The following NSUN4 variants were observed in gnomAD, a reference collection of about 807,000 sequenced individuals.
The protein encoded by NSUN4 is NOP2/Sun RNA methyltransferase 4.
A neutral mutation model predicts 43.8 loss-of-function variants in NSUN4; 31 were observed. That is an observed-to-expected ratio of 0.71 (90% CI 0.53 to 0.96). The LOEUF (loss-of-function observed/expected upper bound fraction) is 0.96. Among genes scored for constraint, NSUN4 ranks in the 40% least tolerant of loss-of-function variants. The pLI is 0.00. For synonymous variants in NSUN4, 167 were observed against 184.1 expected (o/e 0.91, Z 0.75); for missense variants, 439 against 475.6 (o/e 0.92, Z 0.72).
chr1:46,383,946 T>C, the NSUN4 span, among the ~76,000 whole-genome samples: 6 of 152,228 alleles, frequency 3.9e-5, no homozygotes, highest in Admixed American at 6.5e-5. Context: ...ATGTGGCCTC[T>C]GCTGCTGTGT....
the NSUN4 span, among the ~76,000 whole-genome samples, chr1:46,375,928 G>A: frequency 6.6e-6 from 1 of 151,452 alleles, no homozygotes; most frequent in South Asian, 2.1e-4. Context: ...CGAACATGGA[G>A]AAACCCTGTC....
In NSUN4 at chr1:46,353,012, G is replaced by C; in HGVS notation, c.737G>C (p.Gly246Ala). 6.2e-7 allele frequency: 1 copy of C among 1,614,116 alleles called. No individual in the cohort carries two copies. The change falls in exon 4 of 6, where the codon GGG (glycine) becomes GCG (alanine). Residue 246 changes from glycine to alanine, a missense_variant. By Grantham distance (60) the Gly-to-Ala change is moderately conservative (BLOSUM62 0). Coordinates refer to ENST00000474844, the MANE Select transcript of NSUN4 (RefSeq NM_199044.4). ...WDGRKWGELE[G>A]DTYDRVLVDV... is the part of the protein sequence containing the mutation. Reference sequence around the variant, plus strand: ...GGCAGGAAATGGGGAGAACTGGAGGGGGACACCTATGACCGGGTGAGTGAT... The same window carrying C: ...GGCAGGAAATGGGGAGAACTGGAGGCGGACACCTATGACCGGGTGAGTGAT...
At chr1:46,342,697 C>T (rs1662199074) in intron 1 of NSUN4, 1 of 399,200 alleles carries the variant, frequency 2.5e-6, no homozygotes, top group African/African-American at 2.1e-5. Context: ...CCACCCCAGT[C>T]ACTTCCCCGC....
the NSUN4 span, among the ~76,000 whole-genome samples, chr1:46,376,712 ATGTGTGTG>A: frequency 0.013 from 1,854 of 148,278 alleles, 38 homozygotes; most frequent in African/African-American, 0.04. Context: ...TTTAGAGAGC[ATGTGTGTG>A]TGTGTGTGTG....
intron 3 of NSUN4, among the ~76,000 whole-genome samples, chr1:46,352,147 T>TAAA (rs35949811): frequency 2.5e-4 from 34 of 135,682 alleles, no homozygotes; most frequent in Non-Finnish European, 4.1e-4. Context: ...ACCCTGTCTT[T>TAAA]AAAAAAAAAA....
At chr1:46,344,646 C>T (rs920837673) in intron 1 of NSUN4, 155 bp from the exon 2 acceptor site, 19 of 657,616 alleles carry the variant, frequency 2.9e-5, no homozygotes, top group African/African-American at 1.6e-4. Context: ...CACTACTTTT[C>T]CCTCTCACAC....
chr1:46,361,137 ACT>A (rs947356984), intron 5 of NSUN4, among the ~76,000 whole-genome samples: 3 of 151,980 alleles, frequency 2.0e-5, no homozygotes, highest in Admixed American at 6.6e-5. Flanking sequence ...ACAGAGCAAG[ACT>A]CTGTCTCAAA....
chr1:46,382,652 A>G, the NSUN4 span, among the ~76,000 whole-genome samples: 1 of 147,862 alleles, frequency 6.8e-6, no homozygotes, highest in Non-Finnish European at 1.5e-5. Context: ...CCCAGGCTGG[A>G]GTGCAGTGGC....
chr1:46,355,919 CAGG>C (rs1663332064), intron 4 of NSUN4, among the ~76,000 whole-genome samples: 1 of 151,458 alleles, frequency 6.6e-6, no homozygotes, highest in African/African-American at 2.4e-5. Context: ...GAGGCTGAGG[CAGG>C]AGAATTGCTT....
intron 3 of NSUN4, among the ~76,000 whole-genome samples, chr1:46,348,078 C>T (rs1476387900): frequency 2.0e-5 from 3 of 152,114 alleles, no homozygotes; most frequent in African/African-American, 7.2e-5. Context: ...GACAGGGTTT[C>T]ACCCTGTTAG....
Position 46,360,132 on chromosome 1 carries a change from G to A in NSUN4, c.754-572G>A, listed in dbSNP as rs1012687285. Among the ~76,000 whole-genome samples the A allele has an allele frequency of 2.4e-4, 36 of 148,478 alleles. 1 individual carries two copies. Among genetic ancestry groups the A allele is most frequent in the African/African-American group, 8.7e-4 (35 of 40,060 alleles). Reference sequence around the variant, plus strand: ...TAGTCCCAGCTACTCGGGAGGCTGAGGCAGGAGAATGGCGTAAACCCGGGA... The same window carrying A: ...TAGTCCCAGCTACTCGGGAGGCTGAAGCAGGAGAATGGCGTAAACCCGGGA... On this transcript the variant is annotated intron_variant, in intron 4 of 5. Transcript: ENST00000474844.
chr1:46,372,295 C>T, the NSUN4 span, among the ~76,000 whole-genome samples: 1 of 151,966 alleles, frequency 6.6e-6, no homozygotes, highest in South Asian at 2.1e-4. Flanking sequence ...TGCCCACCAC[C>T]ACGCCCGGCT....
At chr1:46,382,604 T>TGC in the NSUN4 span, among the ~76,000 whole-genome samples, 2 of 142,628 alleles carry the variant, frequency 1.4e-5, no homozygotes, top group Non-Finnish European at 3.2e-5. Flanking sequence ...ATAAAAATGC[T>TGC]TCTTTTTTTT....
intron 4 of NSUN4, among the ~76,000 whole-genome samples, chr1:46,358,398 ATTTTTTTT>A (rs34719174): frequency 3.1e-5 from 3 of 95,456 alleles, no homozygotes; most frequent in South Asian, 3.6e-4. Flanking sequence ...TCCTGGCCTA[ATTTTTTTT>A]TTTTTTTTTT....
At chr1:46,371,551 C>G in the NSUN4 span, among the ~76,000 whole-genome samples, 1 of 152,124 alleles carries the variant, frequency 6.6e-6, no homozygotes, top group Non-Finnish European at 1.5e-5. Context: ...CGTGATCCGC[C>G]CACCTCGGCC....
chr1:46,378,132 C>T, the NSUN4 span, among the ~76,000 whole-genome samples: 19 of 151,904 alleles, frequency 1.3e-4, no homozygotes, highest in Non-Finnish European at 4.4e-5. Flanking sequence ...CTCCTGAGCT[C>T]AGTAGATCCT....
intron 4 of NSUN4, among the ~76,000 whole-genome samples, chr1:46,355,004 A>T (rs951586076): frequency 6.6e-6 from 1 of 152,206 alleles, no homozygotes; most frequent in African/African-American, 2.4e-5. Flanking sequence ...GCAGTGGAAC[A>T]TGATGGAGAG....
Position 46,364,826 on chromosome 1 carries a change from T to C in NSUN4, c.*2980T>C, listed in dbSNP as rs1356200085. The C allele has an allele frequency of 2.6e-4, 39 of 152,232 alleles. 1 individual carries two copies. Among genetic ancestry groups the C allele is most frequent in the Non-Finnish European group, 2.9e-5 (2 of 68,054 alleles). 9.4% of individuals were successfully genotyped at this position (152,232 alleles called of 1,614,324 possible). On this transcript the variant is annotated 3_prime_UTR_variant, in exon 6 of 6. Transcript: ENST00000474844. ...TGCTGGGAACTTCTGATTTGAGCTC[T>C]TCCAAAACCAGGATGGATGCCTCAC...
At chr1:46,341,615 G>C in intron 1 of NSUN4, 1 of 1,199,354 alleles carries the variant, frequency 8.3e-7, no homozygotes. Flanking sequence ...GCCCACCCCA[G>C]CCGATTCCCT....
Sources: gnomAD v4.1 joint callset for allele counts (sites outside exome capture counted in the v4.1 genomes callset) on GRCh38, gnomAD v4.1.1 for gene constraint, MANE v1.5 for transcripts, NCBI Gene and HGNC (gene_info 2026-07-23, HGNC 2026-07-21) for gene names.